ABHD2: variants seen among roughly 807,000 people sequenced by gnomAD.
ABHD2 encodes abhydrolase domain containing 2, acylglycerol lipase.
In ABHD2, 20 loss-of-function variants were observed where a neutral mutation model predicts 48.1. The observed-to-expected ratio is 0.42, with a 90% confidence interval of 0.29 to 0.60. The LOEUF (loss-of-function observed/expected upper bound fraction) is 0.60. ABHD2 is among the 20% of genes least tolerant of loss of function. The pLI is 0.24. For missense variants in ABHD2, 405 were observed against 550.9 expected, an observed-to-expected ratio of 0.74 and a Z score of 2.65; for synonymous variants, 209 against 214.2, an observed-to-expected ratio of 0.98 and a Z score of 0.21.
At position 89,106,316 on chromosome 15, in the gene ABHD2, G is replaced by C. The variant is rs1362069799; in HGVS notation, c.-106-7409G>C. The C allele has an allele frequency of 6.5e-6, 1 of 152,814 alleles. No individual in the cohort carries two copies. Among genetic ancestry groups the C allele is most frequent in the East Asian group, 1.9e-4 (1 of 5,188 alleles). 9.5% of individuals were successfully genotyped at this position (152,814 alleles called of 1,614,324 possible). A position where few individuals can be genotyped will look rare whatever the true frequency, so the allele number is the denominator to read the frequency against. On this transcript the variant is annotated intron_variant, in intron 1 of 10. Transcript: ENST00000352732. The surrounding 1 kb of genome is among the most constrained non-coding windows in gnomAD (Gnocchi z 4.2). ...TCCATCTCAAAAACAAACAAACCCA[G>C]AGTATTTGAGCACCGTGATGACTCC...
chr15:89,049,481 C>T, the ABHD2 span, among the ~76,000 whole-genome samples: 1 of 152,222 alleles, frequency 6.6e-6, no homozygotes, highest in African/African-American at 2.4e-5. Context: ...GGCGCCCCTC[C>T]CCCAGCCTCG....
chr15:89,107,812 C>T (rs540071992), intron 1 of ABHD2, among the ~76,000 whole-genome samples: 168 of 152,164 alleles, frequency 1.1e-3, no homozygotes, highest in Middle Eastern at 6.8e-3. Context: ...TGCCTTAGGA[C>T]CCATAAGTAT....
At chr15:89,162,363 T>C (rs1306958991) in intron 5 of ABHD2, among the ~76,000 whole-genome samples, 2 of 152,242 alleles carry the variant, frequency 1.3e-5, no homozygotes, top group African/African-American at 2.4e-5. Context: ...AGGTCTCTTA[T>C]GCCACTTTTC....
intron 3 of ABHD2, among the ~76,000 whole-genome samples, chr15:89,127,731 A>ATGTATATATATATATATATATATATG (rs2050157661): frequency 6.9e-6 from 1 of 144,852 alleles, no homozygotes; most frequent in African/African-American, 2.6e-5. Context: ...ACATATATAT[A>ATGTATATATATATATATATATATATG]TATATATATG....
chr15:89,179,865 T>G lies in ABHD2; in HGVS notation c.722+3870T>G, dbSNP rs1335187346. Reference sequence around the variant, plus strand: ...CTGACCTCCTTGGTTCAGGTAAACCTGAACATCCTAGCATTCTTTGAGCAA... The same window carrying G: ...CTGACCTCCTTGGTTCAGGTAAACCGGAACATCCTAGCATTCTTTGAGCAA... On this transcript the variant is annotated intron_variant, in intron 6 of 10. Coordinates refer to ENST00000352732, the MANE Select transcript of ABHD2 (RefSeq NM_152924.5). The surrounding 1 kb of genome is among the most constrained non-coding windows in gnomAD (Gnocchi z 4.3). Among the ~76,000 whole-genome samples the G allele has an allele frequency of 2.0e-5, 3 of 152,194 alleles. No homozygotes were observed. Among genetic ancestry groups the G allele is most frequent in the Non-Finnish European group, 4.4e-5 (3 of 68,016 alleles).
intron 3 of ABHD2, among the ~76,000 whole-genome samples, chr15:89,141,399 G>A (rs1396494816): frequency 1.3e-5 from 2 of 152,142 alleles, no homozygotes; most frequent in African/African-American, 2.4e-5. Flanking sequence ...TTGGAAGGCC[G>A]AGGTGGGCAG....
the ABHD2 span, among the ~76,000 whole-genome samples, chr15:89,080,193 C>G: frequency 2.6e-4 from 39 of 152,220 alleles, no homozygotes; most frequent in Admixed American, 6.5e-4. Flanking sequence ...GGGCCACTGT[C>G]TCTGCCTGAG....
At chr15:89,085,213 T>C (rs1901331848), upstream of ABHD2, among the ~76,000 whole-genome samples, 3 of 152,030 alleles carry the variant, frequency 2.0e-5, no homozygotes, top group Non-Finnish European at 4.4e-5. This position sits in a 1 kb window ranked among gnomAD's most constrained non-coding sequence, Gnocchi z 4.2. Flanking sequence ...GACTGGGGCA[T>C]ACCCTCTCCC....
the ABHD2 span, among the ~76,000 whole-genome samples, chr15:89,056,694 G>C: frequency 6.6e-6 from 1 of 151,950 alleles, no homozygotes; most frequent in South Asian, 2.1e-4. Flanking sequence ...GCAAAAGATA[G>C]AACAGTGCAA....
the ABHD2 span, chr15:89,075,436 A>G: frequency 1.3e-5 from 2 of 152,214 alleles, no homozygotes; most frequent in Non-Finnish European, 2.9e-5. The surrounding 1 kb of genome is among the most constrained non-coding windows in gnomAD (Gnocchi z 4.1). Context: ...GTCCAGATCG[A>G]GTCAAAGGTA....
At position 89,202,204 on chromosome 15, in the gene ABHD2, C is replaced by T. The variant is rs1567119420; in HGVS notation, c.*6781C>T. On this transcript the variant is annotated 3_prime_UTR_variant, in exon 11 of 11. Transcript: ENST00000352732. ...ACCTTTATTAAGAAATTATACTAAA[C>T]ATTGATGTCCTTGATCATTTTATGT... 1 of 159,162 alleles carries T rather than the reference C, an allele frequency of 6.3e-6. No homozygotes were observed. Among genetic ancestry groups the T allele is most frequent in the Non-Finnish European group, 1.4e-5 (1 of 72,640 alleles). The allele number at this position is 159,162 out of a possible 1,614,324, so 9.9% of individuals were successfully genotyped here.
At chr15:89,072,900 T>C in the ABHD2 span, among the ~76,000 whole-genome samples, 2 of 152,152 alleles carry the variant, frequency 1.3e-5, no homozygotes. Flanking sequence ...TTTTAGAAAC[T>C]TTTCCTAAAT....
At chr15:89,136,343 G>T in intron 3 of ABHD2, 1 of 518,888 alleles carries the variant, frequency 1.9e-6, no homozygotes, top group Non-Finnish European at 3.8e-6. Flanking sequence ...TAGTAGGCAT[G>T]GTCTTCCACC....
chr15:89,049,654 A>C, the ABHD2 span, among the ~76,000 whole-genome samples: 1 of 152,344 alleles, frequency 6.6e-6, no homozygotes, highest in African/African-American at 2.4e-5. Context: ...CCGATTTTCC[A>C]GGTGGCTTCT....
chr15:89,160,939 G>A (rs1307620705), intron 5 of ABHD2, among the ~76,000 whole-genome samples: 2 of 152,094 alleles, frequency 1.3e-5, no homozygotes, highest in African/African-American at 2.4e-5. Context: ...ATTTCTGAAG[G>A]GGAACTTTAA....
chr15:89,073,895 A>T, the ABHD2 span, among the ~76,000 whole-genome samples: 10 of 152,316 alleles, frequency 6.6e-5, no homozygotes, highest in African/African-American at 2.4e-4. Flanking sequence ...GTAGATTAGA[A>T]CTACTCTTTT....
chr15:89,150,883 C>T (rs2050579342), intron 3 of ABHD2, among the ~76,000 whole-genome samples: 1 of 152,196 alleles, frequency 6.6e-6, no homozygotes, highest in Admixed American at 6.5e-5. Context: ...AATGCAGTCA[C>T]CTTGTACTGT....
the ABHD2 span, among the ~76,000 whole-genome samples, chr15:89,065,566 T>C: frequency 6.6e-6 from 1 of 152,154 alleles, no homozygotes; most frequent in African/African-American, 2.4e-5. Flanking sequence ...TCTTAGACAT[T>C]ACATTGTTTT....
the ABHD2 span, among the ~76,000 whole-genome samples, chr15:89,073,816 C>A: frequency 6.6e-6 from 1 of 152,138 alleles, no homozygotes. Context: ...AGCGGTGGGT[C>A]TCAAACTTGA....
Sources: gnomAD v4.1 joint callset for allele counts (sites outside exome capture counted in the v4.1 genomes callset) on GRCh38, gnomAD v4.1.1 for gene constraint, Gnocchi (gnomAD v3.1) non-coding constraint, MANE v1.5 for transcripts, NCBI Gene and HGNC (gene_info 2026-07-23, HGNC 2026-07-21) for gene names.